IRAG1: variants seen among roughly 807,000 people sequenced by gnomAD.
The protein encoded by IRAG1 is inositol 1,4,5-triphosphate receptor associated 1, also known as IP3R-associated cGMP kinase substrate.
In IRAG1, 62 loss-of-function variants were observed where a neutral mutation model predicts 106.2. The observed-to-expected ratio is 0.58, with a 90% confidence interval of 0.48 to 0.72. The LOEUF (loss-of-function observed/expected upper bound fraction) is 0.72. IRAG1 is among the 30% of genes least tolerant of loss of function. IRAG1 has a pLI of 0.00. For missense variants in IRAG1, 1,064 were observed against 1,140.7 expected (o/e 0.93, Z 0.97); for synonymous variants, 462 against 443.9 (o/e 1.04, Z -0.51).
At position 10,676,556 on chromosome 11, in the gene IRAG1, C is replaced by T. The variant is rs1031782572; in HGVS notation, c.67+16980G>A. 3.3e-5 allele frequency among the ~76,000 whole-genome samples: 5 copies of T among 152,276 alleles called. No homozygotes were observed. In the East Asian group the frequency reaches 7.7e-4, roughly 24 times the overall value. On this transcript the variant is annotated intron_variant, in intron 1 of 20. Transcript: ENST00000423302. ...TCAGACCAGGCCAATACATTCAGTTCGGTGACTTCTGTTGGAACTGTTGGG... is the reference window on the plus strand; with the variant it reads ...TCAGACCAGGCCAATACATTCAGTTTGGTGACTTCTGTTGGAACTGTTGGG...
Position 10,659,499 on chromosome 11 carries a change from C to G in IRAG1, c.68-7317G>C, listed in dbSNP as rs565791821. Among the ~76,000 whole-genome samples, 103 of 152,276 alleles carry G rather than the reference C, an allele frequency of 6.8e-4. No individual in the cohort carries two copies. Among genetic ancestry groups the G allele is most frequent in the African/African-American group, 2.2e-3 (92 of 41,556 alleles). ...CGTTTCGGGAGGCTGGCCCTGAGAA[C>G]CCCGACAATCCTGGGGTTTGCACCT... On this transcript the variant is annotated intron_variant, in intron 1 of 20. Coordinates refer to ENST00000423302, the MANE Select transcript of IRAG1 (RefSeq NM_130385.4). The surrounding 1 kb of genome is among the most constrained non-coding windows in gnomAD (Gnocchi z 4.1).
intron 8 of IRAG1, 124 bp downstream of exon 8, chr11:10,627,592 T>G: frequency 1.0e-6 from 1 of 997,212 alleles, no homozygotes; most frequent in Non-Finnish European, 1.6e-6. Flanking sequence ...TCCCCAGCCC[T>G]GACCCTCCAC....
chr11:10,687,129 G>A (rs921896847), intron 1 of IRAG1, among the ~76,000 whole-genome samples: 2 of 152,156 alleles, frequency 1.3e-5, no homozygotes, highest in Non-Finnish European at 2.9e-5. Context: ...GAGAGGGGGT[G>A]CCCATGGGAC....
intron 15 of IRAG1, chr11:10,599,913 C>T (rs1853782554): frequency 6.6e-6 from 1 of 152,212 alleles, no homozygotes; most frequent in Non-Finnish European, 1.5e-5. Context: ...AGGCTGATTA[C>T]CTCATGTGGT....
intron 1 of IRAG1, among the ~76,000 whole-genome samples, chr11:10,682,301 A>C (rs1352605429): frequency 6.6e-6 from 1 of 152,230 alleles, no homozygotes; most frequent in Admixed American, 6.5e-5. Flanking sequence ...AGCAAATGGA[A>C]TCTTCCCCTC....
chr11:10,610,473 C>T (rs1368586408), intron 10 of IRAG1, among the ~76,000 whole-genome samples: 1 of 152,192 alleles, frequency 6.6e-6, no homozygotes, highest in Non-Finnish European at 1.5e-5. Context: ...GCTTTGAAGA[C>T]AGAATGAACA....
At chr11:10,587,721 C>T (rs1409285930) in intron 18 of IRAG1, among the ~76,000 whole-genome samples, 3 of 152,210 alleles carry the variant, frequency 2.0e-5, no homozygotes, top group Non-Finnish European at 4.4e-5. Flanking sequence ...CGGTTCCACA[C>T]ACACCCTGTC....
chr11:10,587,276 A>G (rs1424420341), intron 18 of IRAG1, among the ~76,000 whole-genome samples: 2 of 152,312 alleles, frequency 1.3e-5, no homozygotes, highest in African/African-American at 4.8e-5. Context: ...AACTTTTCCC[A>G]CATGGTAAAC....
intron 15 of IRAG1, among the ~76,000 whole-genome samples, chr11:10,597,187 A>G (rs1217584352): frequency 6.6e-6 from 1 of 152,220 alleles, no homozygotes; most frequent in Non-Finnish European, 1.5e-5. Context: ...GAATAGCCTC[A>G]AATATAGTAA....
intron 1 of IRAG1, among the ~76,000 whole-genome samples, chr11:10,662,715 G>C (rs1859494116): frequency 6.6e-6 from 1 of 152,198 alleles, no homozygotes; most frequent in South Asian, 2.1e-4. Context: ...CTTCCTGACA[G>C]AGCAGAGCCG....
chr11:10,612,531 A>G lies in IRAG1; in HGVS notation c.1448-2680T>C, dbSNP rs561837645. On this transcript the variant is annotated intron_variant, in intron 10 of 20. Transcript: ENST00000423302. Reference sequence around the variant, plus strand: ...CAGCTAAGGTAGGAAGGAGTCAACAAAAACTAACCTACAATACAATATATC... The same window carrying G: ...CAGCTAAGGTAGGAAGGAGTCAACAGAAACTAACCTACAATACAATATATC... Among the ~76,000 whole-genome samples, 4 of 152,332 alleles carry G rather than the reference A, an allele frequency of 2.6e-5. No homozygotes were observed. The South Asian group carries it at 8.3e-4, about 32-fold the overall frequency.
chr11:10,652,259 A>G (rs1370121860), intron 1 of IRAG1, 77 bp from the exon 2 acceptor site: 11 of 1,583,718 alleles, frequency 6.9e-6, no homozygotes, highest in Non-Finnish European at 8.6e-6. Flanking sequence ...CCGGAGCCAC[A>G]AGCCACAGTG....
At chr11:10,678,338 T>G (rs1457051393) in intron 1 of IRAG1, among the ~76,000 whole-genome samples, 1 of 152,246 alleles carries the variant, frequency 6.6e-6, no homozygotes, top group East Asian at 1.9e-4. Flanking sequence ...AGCGATTTCA[T>G]CTTGTCGTCT....
rs992901824 is a variant in IRAG1, at chr11:10,628,310, C to T, written c.653-285G>A. Among the ~76,000 whole-genome samples the T allele has an allele frequency of 2.0e-5, 3 of 152,200 alleles. No individual in the cohort carries two copies. Among genetic ancestry groups the T allele is most frequent in the Non-Finnish European group, 4.4e-5 (3 of 68,030 alleles). On this transcript the variant is annotated intron_variant, in intron 6 of 20. Transcript: ENST00000423302. This position sits in a 1 kb window ranked among gnomAD's most constrained non-coding sequence, Gnocchi z 4.1. ...TGGCCCCGACCTGAGCGTGCCCTGC[C>T]GCACTGATGAGGGCCGGTTGCCCTT...
At chr11:10,692,801 C>T (rs559081153) in intron 1 of IRAG1, among the ~76,000 whole-genome samples, 1 of 152,352 alleles carries the variant, frequency 6.6e-6, no homozygotes, top group African/African-American at 2.4e-5. Flanking sequence ...GGGAGCAAGA[C>T]AGCTGGGCCT....
intron 8 of IRAG1, 23 bp downstream of exon 8, chr11:10,627,693 A>C (rs202022104): frequency 5.0e-6 from 8 of 1,613,796 alleles, no homozygotes; most frequent in Non-Finnish European, 6.8e-6. Flanking sequence ...AAATCATCCA[A>C]AGGGAGCAAA....
intron 1 of IRAG1, among the ~76,000 whole-genome samples, chr11:10,670,483 T>C (rs915759228): frequency 6.6e-6 from 1 of 152,210 alleles, no homozygotes; most frequent in East Asian, 1.9e-4. Context: ...CACTGTCATT[T>C]GGTGGTCACG....
rs1054602005 is a variant in IRAG1, at chr11:10,573,706, T to G, written c.*2626A>C. 5 of 152,230 alleles carry G rather than the reference T, an allele frequency of 3.3e-5. No individual in the cohort carries two copies. Among genetic ancestry groups the G allele is most frequent in the African/African-American group, 1.2e-4 (5 of 41,448 alleles). 9.4% of individuals were successfully genotyped at this position (152,230 alleles called of 1,614,324 possible). On this transcript the variant is annotated 3_prime_UTR_variant, in exon 21 of 21. Coordinates refer to ENST00000423302, the MANE Select transcript of IRAG1 (RefSeq NM_130385.4). ...GGTGCAGGAGCTCTCCATAACTGCCTTCCTGGCCTTTGACTCATCCAGAAA... is the reference window on the plus strand; with the variant it reads ...GGTGCAGGAGCTCTCCATAACTGCCGTCCTGGCCTTTGACTCATCCAGAAA...
Position 10,601,019 on chromosome 11 carries a change from T to A in IRAG1, c.1916A>T (p.Tyr639Phe). Reference sequence around the variant, plus strand: ...ATACGTCCTCTTTAGATTCTCCACATACTGCATCATCACTTCCGTTGCTTT... The same window carrying A: ...ATACGTCCTCTTTAGATTCTCCACAAACTGCATCATCACTTCCGTTGCTTT... ...MSKATEVMMQ[Y>F]VENLKRTYEK... The change falls in exon 15 of 21, where the codon TAT (tyrosine) becomes TTT (phenylalanine). Residue 639 changes from tyrosine to phenylalanine, a missense_variant. Tyr to Phe is a conservative substitution (Grantham distance 22). Transcript: ENST00000423302. 6.2e-7 allele frequency: 1 copy of A among 1,614,078 alleles called. No homozygotes were observed. Among genetic ancestry groups the A allele is most frequent in the Non-Finnish European group, 8.5e-7 (1 of 1,179,896 alleles).
Sources: allele counts gnomAD v4.1 joint callset (sites outside exome capture counted in the v4.1 genomes callset), GRCh38; gene constraint gnomAD v4.1.1; non-coding constraint Gnocchi (gnomAD v3.1); transcripts MANE v1.5; gene names NCBI Gene and HGNC (gene_info 2026-07-23, HGNC 2026-07-21).